The following CFAP299 variants were observed in gnomAD, a reference collection of about 807,000 sequenced individuals.
The protein encoded by CFAP299 is cilia- and flagella-associated protein 299.
CFAP299 carries 21 observed loss-of-function variants against 27.0 expected under a neutral mutation model. The ratio of observed to expected loss-of-function variants is 0.78; its 90% confidence interval spans 0.55 to 1.12. The LOEUF is 1.12. Ranked by LOEUF, CFAP299 falls within the 50% of genes most tolerant of loss-of-function variation. The pLI is 0.00. For missense variants in CFAP299, 310 were observed against 276.6 expected (o/e 1.12, Z -0.86); for synonymous variants, 104 against 98.1 (o/e 1.06, Z -0.36).
chr4:80,909,932 T>C (rs1480143539), intron 4 of CFAP299, among the ~76,000 whole-genome samples: 1 of 152,132 alleles, frequency 6.6e-6, no homozygotes, highest in Non-Finnish European at 1.5e-5. Context: ...AAATAACTTA[T>C]AATTAACTGA....
chr4:80,685,154 A>T (rs1251831837), intron 3 of CFAP299, among the ~76,000 whole-genome samples: 1 of 152,218 alleles, frequency 6.6e-6, no homozygotes, highest in Non-Finnish European at 1.5e-5. Flanking sequence ...ATTTTCAGAC[A>T]AAAGAGACTC....
At chr4:80,767,220 A>G (rs1389638305) in intron 3 of CFAP299, among the ~76,000 whole-genome samples, 1 of 152,192 alleles carries the variant, frequency 6.6e-6, no homozygotes, top group Non-Finnish European at 1.5e-5. Flanking sequence ...AAATTAGACA[A>G]AGAGGTTAAT....
chr4:80,792,153 G>C (rs1012142007), intron 3 of CFAP299, among the ~76,000 whole-genome samples: 2 of 151,886 alleles, frequency 1.3e-5, no homozygotes, highest in African/African-American at 4.8e-5. Context: ...AAAATAAAAA[G>C]TTAAAATAAA....
intron 2 of CFAP299, among the ~76,000 whole-genome samples, chr4:80,556,594 G>A (rs13101549): frequency 0.29 from 44,588 of 151,698 alleles, 9,787 homozygotes; most frequent in African/African-American, 0.61. Context: ...TAATAAGCCC[G>A]ATATGTCTCT....
At chr4:80,613,761 C>A (rs1444073354) in intron 3 of CFAP299, among the ~76,000 whole-genome samples, 2 of 152,170 alleles carry the variant, frequency 1.3e-5, no homozygotes, top group African/African-American at 4.8e-5. Flanking sequence ...AGTTTAACAT[C>A]ATTTCCCTGT....
At chr4:80,856,581 T>A (rs938644514) in intron 3 of CFAP299, among the ~76,000 whole-genome samples, 7 of 151,910 alleles carry the variant, frequency 4.6e-5, no homozygotes, top group Non-Finnish European at 8.8e-5. Flanking sequence ...AATTTTTGTA[T>A]AAGGTGTAAG....
intron 1 of CFAP299, among the ~76,000 whole-genome samples, chr4:80,342,124 G>T (rs919184691): frequency 1.3e-5 from 2 of 152,118 alleles, no homozygotes; most frequent in Non-Finnish European, 2.9e-5. Flanking sequence ...AGAGAAAAAA[G>T]AACGAAAAGG....
At position 80,802,076 on chromosome 4, in the gene CFAP299, A is replaced by G. The variant is rs528469768; in HGVS notation, c.334-67917A>G. Among the ~76,000 whole-genome samples the G allele has an allele frequency of 3.0e-4, 46 of 152,232 alleles. 1 individual carries two copies. In the South Asian group the frequency reaches 9.5e-3, roughly 32 times the overall value. Reference sequence around the variant, plus strand: ...TTTCAAAACGTGATTTAAACCTTCAAAATGAATTAGTTTAAAATTGTCTAA... The same window carrying G: ...TTTCAAAACGTGATTTAAACCTTCAGAATGAATTAGTTTAAAATTGTCTAA... On this transcript the variant is annotated intron_variant, in intron 3 of 5. Transcript: ENST00000358105.
intron 2 of CFAP299, among the ~76,000 whole-genome samples, chr4:80,502,444 T>G (rs1214423894): frequency 5.9e-5 from 9 of 152,100 alleles, no homozygotes; most frequent in Admixed American, 5.9e-4. Context: ...GCAGATTTCC[T>G]TTACTCAGGT....
chr4:80,537,442 C>G (rs541763156), intron 2 of CFAP299, among the ~76,000 whole-genome samples: 7 of 152,212 alleles, frequency 4.6e-5, no homozygotes, highest in South Asian at 2.1e-4. Context: ...ACCTAAGTGT[C>G]CACCAGTGCA....
chr4:80,517,924 G>A (rs755775756), intron 2 of CFAP299, among the ~76,000 whole-genome samples: 12 of 152,144 alleles, frequency 7.9e-5, no homozygotes, highest in Admixed American at 1.3e-4. Flanking sequence ...GAAAGTAGAA[G>A]CATTAAGAAA....
At chr4:80,570,081 A>T (rs895828348) in intron 2 of CFAP299, among the ~76,000 whole-genome samples, 2 of 152,072 alleles carry the variant, frequency 1.3e-5, no homozygotes, top group African/African-American at 2.4e-5. Flanking sequence ...CAGAAGACAG[A>T]TACATAAAAA....
At chr4:80,398,842 G>T (rs112296057) in intron 2 of CFAP299, among the ~76,000 whole-genome samples, 2 of 152,092 alleles carry the variant, frequency 1.3e-5, no homozygotes, top group African/African-American at 4.8e-5. Flanking sequence ...TGACAAATGG[G>T]ATCTAATGAA....
chr4:80,596,311 C>T (rs1159170814), intron 3 of CFAP299, among the ~76,000 whole-genome samples: 1 of 152,156 alleles, frequency 6.6e-6, no homozygotes, highest in African/African-American at 2.4e-5. Flanking sequence ...ATAGGCAGCT[C>T]ATTCCTTTGT....
chr4:80,663,123 A>C (rs538712818), intron 3 of CFAP299, among the ~76,000 whole-genome samples: 1 of 151,850 alleles, frequency 6.6e-6, no homozygotes, highest in South Asian at 2.1e-4. Context: ...TGCCATTTTT[A>C]AAATTTTTTT....
At chr4:80,624,454 A>G (rs1261307740) in intron 3 of CFAP299, among the ~76,000 whole-genome samples, 1 of 151,820 alleles carries the variant, frequency 6.6e-6, no homozygotes, top group Non-Finnish European at 1.5e-5. Context: ...AGGAGAAAAA[A>G]AGAAATATAA....
At chr4:80,531,822 C>T (rs992373786) in intron 2 of CFAP299, among the ~76,000 whole-genome samples, 8 of 145,750 alleles carry the variant, frequency 5.5e-5, no homozygotes, top group Admixed American at 4.2e-4. Context: ...GGCACGATCT[C>T]GGCTCACTGC....
At position 80,390,492 on chromosome 4, in the gene CFAP299, T is replaced by TATATATGTATATATACAC. The variant is rs1491554005; in HGVS notation, c.242+27614_242+27615insGTATATATACACATATAT. ...AGCAATTCTCTCCTCTCTCTCTCTC[T>TATATATGTATATATACAC]ATATATATGTATATATACACACATA... On this transcript the variant is annotated intron_variant, in intron 2 of 5. Coordinates refer to ENST00000358105, the MANE Select transcript of CFAP299 (RefSeq NM_152770.3). Among the ~76,000 whole-genome samples the TATATATGTATATATACAC allele has an allele frequency of 8.3e-3, 1,214 of 146,828 alleles. 165 individuals are homozygous for TATATATGTATATATACAC. The highest frequency in any genetic ancestry group is 0.029 in the African/African-American group (1,151 of 39,422).
chr4:80,554,505 G>GTTTTTT (rs869288835), intron 2 of CFAP299, among the ~76,000 whole-genome samples: 16 of 108,722 alleles, frequency 1.5e-4, no homozygotes, highest in African/African-American at 3.2e-4. Flanking sequence ...TTTTCCACTA[G>GTTTTTT]TTTTTTTTTT....
Sources: allele counts gnomAD v4.1 joint callset (sites outside exome capture counted in the v4.1 genomes callset), GRCh38; gene constraint gnomAD v4.1.1; transcripts MANE v1.5; gene names NCBI Gene and HGNC (gene_info 2026-07-23, HGNC 2026-07-21).